The following KCND3 variants were observed in gnomAD, a reference collection of about 807,000 sequenced individuals.
KCND3 encodes potassium voltage-gated channel subfamily D member 3.
In KCND3, 9 loss-of-function variants were observed where a neutral mutation model predicts 51.1. That is an observed-to-expected ratio of 0.18 (90% CI 0.11 to 0.31). KCND3 has a LOEUF of 0.31. Among genes scored for constraint, KCND3 ranks in the 10% least tolerant of loss-of-function variants. The pLI is 1.00. For missense variants in KCND3, 526 were observed against 903.8 expected (o/e 0.58, Z 5.36); for synonymous variants, 349 against 368.0 (o/e 0.95, Z 0.59).
rs989742535 is a variant in KCND3, at chr1:111,907,259, T to C, written c.1106+74362A>G. On this transcript the variant is annotated intron_variant, in intron 2 of 7. Transcript: ENST00000302127. ...GAAGAGTTAAAAGGCAATGTTTTCTTTATGTGTGTACAAAATAACAAAGGG... is the reference window on the plus strand; with the variant it reads ...GAAGAGTTAAAAGGCAATGTTTTCTCTATGTGTGTACAAAATAACAAAGGG... Among the ~76,000 whole-genome samples the C allele has an allele frequency of 2.0e-5, 3 of 152,244 alleles. No homozygotes were observed. In the East Asian group the frequency reaches 5.8e-4, roughly 29 times the overall value.
At chr1:111,805,014 C>T (rs1665497499) in intron 2 of KCND3, among the ~76,000 whole-genome samples, 1 of 152,182 alleles carries the variant, frequency 6.6e-6, no homozygotes, top group East Asian at 1.9e-4. Flanking sequence ...ACGGGTGAAG[C>T]ACAGGGAGAT....
chr1:111,889,448 T>G (rs1475633024), intron 2 of KCND3, among the ~76,000 whole-genome samples: 1 of 152,228 alleles, frequency 6.6e-6, no homozygotes, highest in African/African-American at 2.4e-5. Context: ...TATCTGTTCC[T>G]GTAGAGATCA....
intron 3 of KCND3, among the ~76,000 whole-genome samples, chr1:111,783,536 ACT>A (rs1363249046): frequency 6.6e-6 from 1 of 152,082 alleles, no homozygotes; most frequent in Non-Finnish European, 1.5e-5. Flanking sequence ...ACAATTAAGC[ACT>A]TTCTTCCTGT....
chr1:111,950,708 C>T (rs1051788656), intron 2 of KCND3, among the ~76,000 whole-genome samples: 5 of 152,088 alleles, frequency 3.3e-5, no homozygotes, highest in East Asian at 1.9e-4. Context: ...GTCAGGGCAC[C>T]GTCTAAGGAA....
At chr1:111,925,943 A>G (rs936711855) in intron 2 of KCND3, among the ~76,000 whole-genome samples, 2 of 152,116 alleles carry the variant, frequency 1.3e-5, no homozygotes, top group African/African-American at 4.8e-5. Context: ...CCCACTGATC[A>G]CAAAAATGCC....
At chr1:111,961,629 C>T (rs757185554) in intron 2 of KCND3, among the ~76,000 whole-genome samples, 46 of 152,082 alleles carry the variant, frequency 3.0e-4, no homozygotes, top group Non-Finnish European at 5.4e-4. Context: ...AGGTGTGCAT[C>T]GTGGGATGGG....
chr1:111,953,478 G>A (rs1390862001), intron 2 of KCND3, among the ~76,000 whole-genome samples: 1 of 150,340 alleles, frequency 6.7e-6, no homozygotes, highest in Non-Finnish European at 1.5e-5. Flanking sequence ...AGCTTGGATG[G>A]CTTCACAGGT....
Position 111,982,736 on chromosome 1 carries a change from A to G in KCND3, c.-10T>C, listed in dbSNP as rs774559487. The G allele has an allele frequency of 2.5e-6, 4 of 1,600,610 alleles. No individual in the cohort carries two copies. The highest frequency in any genetic ancestry group is 3.4e-6 in the Non-Finnish European group (4 of 1,178,738). On this transcript the variant is annotated 5_prime_UTR_variant, in exon 2 of 8. Transcript: ENST00000302127. The surrounding 1 kb of genome is among the most constrained non-coding windows in gnomAD (Gnocchi z 8.5). ...CAACTCCGGCCGCCATGGTGACTCCAGCTCTTGGGCCGGCAGCCGCGCGGA... is the reference window on the plus strand; with the variant it reads ...CAACTCCGGCCGCCATGGTGACTCCGGCTCTTGGGCCGGCAGCCGCGCGGA...
chr1:111,902,144 G>A (rs1670416560), intron 2 of KCND3, among the ~76,000 whole-genome samples: 1 of 152,182 alleles, frequency 6.6e-6, no homozygotes, highest in African/African-American at 2.4e-5. Flanking sequence ...TGGCCAGTGG[G>A]TCCGAGATAG....
At chr1:111,946,215 G>A (rs1456279045) in intron 2 of KCND3, among the ~76,000 whole-genome samples, 1 of 152,218 alleles carries the variant, frequency 6.6e-6, no homozygotes, top group Non-Finnish European at 1.5e-5. Flanking sequence ...CAAAGCAGGA[G>A]GTGACTCATA....
chr1:111,928,974 T>C (rs961929599), intron 2 of KCND3, among the ~76,000 whole-genome samples: 1 of 152,252 alleles, frequency 6.6e-6, no homozygotes, highest in South Asian at 2.1e-4. Context: ...TAGAGCCTCC[T>C]GCAAACTTGG....
Position 111,778,547 on chromosome 1 carries a change from C to G in KCND3, c.1462-55G>C. ...AAACACCATTGATTGTACATTCCAG[C>G]ATTCCCAAGCCAGTTTTGACATTCA... On this transcript the variant is annotated intron_variant, in intron 5 of 7. Coordinates refer to ENST00000302127, the MANE Select transcript of KCND3 (RefSeq NM_001378969.1). 5 of 1,533,484 alleles carry G rather than the reference C, an allele frequency of 3.3e-6. No individual in the cohort carries two copies. The South Asian group carries it at 4.5e-5, about 14-fold the overall frequency. 95.0% of individuals were successfully genotyped at this position (1,533,484 alleles called of 1,614,324 possible).
At chr1:111,818,036 G>A (rs572636792) in intron 2 of KCND3, among the ~76,000 whole-genome samples, 51 of 122,194 alleles carry the variant, frequency 4.2e-4, no homozygotes, top group East Asian at 1.3e-3. Context: ...AGGCACACGC[G>A]CGTGCACACA....
At chr1:111,855,740 G>T (rs757662014) in intron 2 of KCND3, among the ~76,000 whole-genome samples, 7 of 152,148 alleles carry the variant, frequency 4.6e-5, no homozygotes, top group Non-Finnish European at 7.3e-5. Flanking sequence ...TCAAATCAGG[G>T]TATGGGAGAA....
At chr1:111,776,950 C>G (rs559723424) in intron 7 of KCND3, 76 bp downstream of exon 7, 1 of 1,603,474 alleles carries the variant, frequency 6.2e-7, no homozygotes, top group Non-Finnish European at 8.5e-7. Context: ...TCAAGGTTCT[C>G]CTAATGCTGC....
At chr1:111,796,439 A>G (rs571600565) in intron 2 of KCND3, among the ~76,000 whole-genome samples, 2 of 152,192 alleles carry the variant, frequency 1.3e-5, no homozygotes, top group Admixed American at 1.3e-4. Flanking sequence ...ATGGAATACT[A>G]TACAGCCATA....
intron 2 of KCND3, among the ~76,000 whole-genome samples, chr1:111,858,059 TGTCGGCTGCCGGTTCTACATCTCAGCGA>T (rs1355323742): frequency 6.6e-6 from 1 of 152,160 alleles, no homozygotes; most frequent in Non-Finnish European, 1.5e-5. Context: ...TACTGGAGGT[TGTCGGCTGCCGGTTCTACATCTCAGCGA>T]AAGGCACCTT....
chr1:111,933,707 C>A (rs775618135), intron 2 of KCND3, among the ~76,000 whole-genome samples: 1 of 152,198 alleles, frequency 6.6e-6, no homozygotes, highest in Non-Finnish European at 1.5e-5. Flanking sequence ...TCCTGATCCT[C>A]ATCTTAAATC....
chr1:111,835,100 G>C (rs940724603), intron 2 of KCND3, among the ~76,000 whole-genome samples: 1 of 152,192 alleles, frequency 6.6e-6, no homozygotes, highest in Non-Finnish European at 1.5e-5. Context: ...GCAACCTACA[G>C]AGATTGAGGC....
Sources: gnomAD v4.1 joint callset for allele counts (sites outside exome capture counted in the v4.1 genomes callset) on GRCh38, gnomAD v4.1.1 for gene constraint, Gnocchi (gnomAD v3.1) non-coding constraint, MANE v1.5 for transcripts, NCBI Gene and HGNC (gene_info 2026-07-23, HGNC 2026-07-21) for gene names.